Variants in PHACTR4 observed in about 807,000 individuals in gnomAD.
PHACTR4 encodes protein phosphatase 1, regulatory subunit 124.
Under a neutral mutation model 72.7 loss-of-function variants are expected in PHACTR4, and 51 were observed. The observed-to-expected ratio is 0.70, with a 90% CI of 0.56 to 0.89. The LOEUF (loss-of-function observed/expected upper bound fraction) is 0.89, where lower values mean the gene tolerates loss of function less well. Ranked by LOEUF, PHACTR4 falls within the 40% of genes least tolerant of loss-of-function variation. The probability of loss-of-function intolerance (pLI) is 0.00; values close to 1 mark genes in which losing one functional copy is unlikely to be tolerated. For missense variants in PHACTR4, 731 were observed against 861.8 expected, an observed-to-expected ratio of 0.85 and a Z score of 1.90; for synonymous variants, 255 against 302.5, an observed-to-expected ratio of 0.84 and a Z score of 1.63.
chr1:28,404,268 T>G (rs933372260), intron 1 of PHACTR4, among the ~76,000 whole-genome samples: 2 of 144,578 alleles, frequency 1.4e-5, no homozygotes, highest in Admixed American at 7.0e-5. Flanking sequence ...AGATTTTGTA[T>G]GAACATCCTT....
At chr1:28,463,299 G>GAAC (rs1381450792) in intron 4 of PHACTR4, among the ~76,000 whole-genome samples, 4 of 149,738 alleles carry the variant, frequency 2.7e-5, no homozygotes, top group Non-Finnish European at 2.9e-5. Flanking sequence ...GGTTTAGGGA[G>GAAC]AACATTCAGT....
Position 28,459,727 on chromosome 1 carries a change from A to T in PHACTR4, c.190+469A>T, listed in dbSNP as rs1052371078. ...AGAGTTTAATCTTTTAGAATTAAAC[A>T]TCAAAATGGTCATGTACTAAACCTA... On this transcript the variant is annotated intron_variant, in intron 3 of 13. Transcript: ENST00000373839. Among the ~76,000 whole-genome samples the T allele has an allele frequency of 9.2e-5, 14 of 152,304 alleles. No homozygotes were observed. The East Asian group carries it at 2.7e-3, about 29-fold the overall frequency.
chr1:28,383,512 A>G (rs1183130503), intron 1 of PHACTR4, among the ~76,000 whole-genome samples: 1 of 151,836 alleles, frequency 6.6e-6, no homozygotes, highest in African/African-American at 2.4e-5. Flanking sequence ...TGTTTGTGTC[A>G]TCTCTGATTT....
rs1409307939 is a variant in PHACTR4 at position 28,498,081 on chromosome 1, A to G, written c.*1532A>G. The G allele has an allele frequency of 6.6e-6, 1 of 151,980 alleles. No homozygotes were observed. The highest frequency in any genetic ancestry group is 6.6e-5 in the Admixed American group (1 of 15,256). 9.4% of individuals were successfully genotyped at this position (151,980 alleles called of 1,614,324 possible). A position where few individuals can be genotyped will look rare whatever the true frequency, so the allele number is the denominator to read the frequency against. ...TTTATAGGCTATTGTAGTTTTATTT[A>G]CCAAATGATATTCTCTAAATCACTT... On this transcript the variant is annotated 3_prime_UTR_variant, in exon 14 of 14. Coordinates refer to ENST00000373839, the MANE Select transcript of PHACTR4 (RefSeq NM_001048183.3).
At chr1:28,448,780 A>AAAACAAAAAAC (rs1553195454) in intron 2 of PHACTR4, among the ~76,000 whole-genome samples, 108 of 134,418 alleles carry the variant, frequency 8.0e-4, no homozygotes, top group African/African-American at 3.6e-3. Context: ...AAAAAAAAAA[A>AAAACAAAAAAC]AAAAACCTGA....
intron 2 of PHACTR4, among the ~76,000 whole-genome samples, chr1:28,409,847 G>GA (rs1389811783): frequency 1.3e-5 from 2 of 150,444 alleles, no homozygotes; most frequent in Non-Finnish European, 2.9e-5. Context: ...TTTCCCCCCT[G>GA]AAGAGTAGTT....
chr1:28,481,244 G>T (rs1660261019), intron 9 of PHACTR4: 1 of 152,212 alleles, frequency 6.6e-6, no homozygotes, highest in African/African-American at 2.4e-5. Context: ...TTCCCAGGCT[G>T]GTCTCAAACT....
At chr1:28,430,235 A>C (rs1301546107) in intron 2 of PHACTR4, among the ~76,000 whole-genome samples, 1 of 152,130 alleles carries the variant, frequency 6.6e-6, no homozygotes, top group Non-Finnish European at 1.5e-5. Flanking sequence ...CATGTTAGCC[A>C]GGATGGTCTT....
At chr1:28,453,586 A>T in intron 2 of PHACTR4, 1 of 924,860 alleles carries the variant, frequency 1.1e-6, no homozygotes, top group Admixed American at 2.2e-5. Context: ...GAGGCAGCAC[A>T]GTGGATGCAT....
intron 13 of PHACTR4, 77 bp downstream of exon 13, chr1:28,493,168 A>G: frequency 8.3e-7 from 1 of 1,199,818 alleles, no homozygotes; most frequent in East Asian, 2.3e-5. Context: ...AAGGGCTCTA[A>G]TGACATCAGT....
chr1:28,458,089 A>T (rs1452326697), intron 2 of PHACTR4, among the ~76,000 whole-genome samples: 1 of 135,150 alleles, frequency 7.4e-6, no homozygotes, highest in East Asian at 2.2e-4. Context: ...TCAAATCCTT[A>T]ATATTATGGT....
intron 8 of PHACTR4, 55 bp downstream of exon 8, chr1:28,476,346 T>G: frequency 1.3e-6 from 2 of 1,488,276 alleles, no homozygotes; most frequent in Non-Finnish European, 1.8e-6. Flanking sequence ...TAAAACTATT[T>G]GCTGATCTTA....
At chr1:28,386,578 A>C (rs1308179871) in intron 1 of PHACTR4, among the ~76,000 whole-genome samples, 1 of 152,086 alleles carries the variant, frequency 6.6e-6, no homozygotes, top group Non-Finnish European at 1.5e-5. Flanking sequence ...GTCTCTAAGA[A>C]CTTGCTTTAT....
At chr1:28,492,350 T>C (rs182334762) in intron 12 of PHACTR4, among the ~76,000 whole-genome samples, 37 of 151,802 alleles carry the variant, frequency 2.4e-4, no homozygotes, top group Non-Finnish European at 4.0e-4. Context: ...AGCAGGAGAA[T>C]TGCTTGAACC....
intron 1 of PHACTR4, among the ~76,000 whole-genome samples, chr1:28,376,145 G>A (rs2124109926): frequency 6.6e-6 from 1 of 151,972 alleles, no homozygotes; most frequent in East Asian, 2.0e-4. Flanking sequence ...AAATTATGTA[G>A]ACCTTTTTCT....
intron 1 of PHACTR4, among the ~76,000 whole-genome samples, chr1:28,404,276 CTTTTTTTT>C (rs58454588): frequency 3.9e-5 from 4 of 101,410 alleles, no homozygotes; most frequent in Admixed American, 1.1e-4. Context: ...TATGAACATC[CTTTTTTTT>C]TTTTTTTTTT....
In PHACTR4 at chr1:28,466,522, G is replaced by A; in HGVS notation, c.577G>A (p.Gly193Ser). The change falls in exon 6 of 14, where the codon GGC becomes AGC. Residue 193 changes from glycine to serine, a missense_variant. Physicochemically the swap from Gly to Ser is moderately conservative, Grantham distance 56. This residue lies in a region of PHACTR4 where 621 missense variants were observed against 676.6 expected (regional missense o/e 0.92). Transcript: ENST00000373839. The part of the protein sequence containing the change: ...EGQAKDATSS[G>S]GTARFIISTS... ...GCAAGCAAAGGATGCCACTTCCTCT[G>A]GCGGCACGGCAAGGTTCATCATCTC... is the stretch of plus-strand genomic sequence containing the variant. 6.2e-7 allele frequency: 1 copy of A among 1,614,060 alleles called. No individual in the cohort carries two copies. The highest frequency in any genetic ancestry group is 8.5e-7 in the Non-Finnish European group (1 of 1,180,006).
chr1:28,432,105 A>C (rs1429378263), intron 2 of PHACTR4, among the ~76,000 whole-genome samples: 1 of 152,062 alleles, frequency 6.6e-6, no homozygotes, highest in Non-Finnish European at 1.5e-5. Context: ...GCTACTCAGG[A>C]GGGTGAGGCA....
At chr1:28,373,809 A>G (rs941132095) in intron 1 of PHACTR4, among the ~76,000 whole-genome samples, 2 of 152,134 alleles carry the variant, frequency 1.3e-5, no homozygotes, top group Non-Finnish European at 2.9e-5. Flanking sequence ...TGTTACTCTC[A>G]TTTTACAGCT....
Sources: allele counts gnomAD v4.1 joint callset (sites outside exome capture counted in the v4.1 genomes callset), GRCh38; gene constraint gnomAD v4.1.1; regional missense constraint gnomAD v4.1.1; transcripts MANE v1.5; gene names NCBI Gene and HGNC (gene_info 2026-07-23, HGNC 2026-07-21).